Variants in GEMIN2 observed in about 807,000 individuals in gnomAD.
GEMIN2 encodes the protein gem-associated protein 2.
In GEMIN2, 37 loss-of-function variants were observed where a neutral mutation model predicts 45.8. The observed-to-expected ratio is 0.81, with a 90% CI of 0.62 to 1.06. The LOEUF is 1.06. Ranked by LOEUF, GEMIN2 falls within the 50% of genes least tolerant of loss-of-function variation. GEMIN2 has a pLI of 0.00. For missense variants in GEMIN2, 335 were observed against 321.8 expected (o/e 1.04, Z -0.31); for synonymous variants, 101 against 111.5 (o/e 0.91, Z 0.60).
chr14:39,118,144 A>G (rs10136536), intron 3 of GEMIN2, 56 bp downstream of exon 3: 216,006 of 862,508 alleles, frequency 0.25, 28,471 homozygotes, highest in Middle Eastern at 0.38. Context: ...CTGTTCTTAG[A>G]CTGTAGCTGG....
chr14:39,129,202 A>G (rs533466124), intron 7 of GEMIN2, among the ~76,000 whole-genome samples: 61 of 152,232 alleles, frequency 4.0e-4, no homozygotes, highest in Non-Finnish European at 6.6e-4. Flanking sequence ...CAGTATAGTA[A>G]TGTGCTATAT....
intron 5 of GEMIN2, 63 bp from the exon 6 acceptor site, chr14:39,124,929 T>C: frequency 1.2e-6 from 1 of 820,628 alleles, no homozygotes; most frequent in Non-Finnish European, 2.1e-6. Flanking sequence ...TTCACCAGTT[T>C]GAAAAAAAAA....
intron 5 of GEMIN2, among the ~76,000 whole-genome samples, chr14:39,123,708 A>ATATATATATATATATATATATATT (rs1555333787): frequency 2.7e-5 from 1 of 37,688 alleles, no homozygotes; most frequent in Non-Finnish European, 4.3e-5. Flanking sequence ...ATATATATAT[A>ATATATATATATATATATATATATT]TTTTTTTTTT....
chr14:39,126,497 G>A (rs1327671507), intron 6 of GEMIN2, among the ~76,000 whole-genome samples: 2 of 151,988 alleles, frequency 1.3e-5, no homozygotes, highest in African/African-American at 2.4e-5. Context: ...TTTTTTGTGG[G>A]TGATATTCTC....
At chr14:39,135,321 C>T (rs1292469593) in intron 9 of GEMIN2, among the ~76,000 whole-genome samples, 5 of 152,188 alleles carry the variant, frequency 3.3e-5, no homozygotes, top group Admixed American at 3.3e-4. Context: ...CATGGTGGCT[C>T]ATACCTGTAA....
At chr14:39,115,082 G>T (rs1457790634) in intron 2 of GEMIN2, among the ~76,000 whole-genome samples, 169 bp downstream of exon 2, 1 of 152,204 alleles carries the variant, frequency 6.6e-6, no homozygotes. Flanking sequence ...GGCATTTACT[G>T]CCTCTAAAGA....
intron 3 of GEMIN2, 122 bp downstream of exon 3, chr14:39,118,210 A>G (rs1301605515): frequency 4.0e-6 from 2 of 502,996 alleles, no homozygotes; most frequent in Non-Finnish European, 7.0e-6. Context: ...TAATTACCAA[A>G]TTATTTTTAT....
At chr14:39,128,162 A>G in intron 6 of GEMIN2, 118 bp from the exon 7 acceptor site, 1 of 660,400 alleles carries the variant, frequency 1.5e-6, no homozygotes, top group Non-Finnish European at 2.6e-6. Flanking sequence ...TGAAAGTTTA[A>G]AGAATGAGGC....
chr14:39,132,264 C>T (rs973352250), intron 8 of GEMIN2, among the ~76,000 whole-genome samples, 196 bp downstream of exon 8: 1 of 152,142 alleles, frequency 6.6e-6, no homozygotes, highest in African/African-American at 2.4e-5. Flanking sequence ...GGCGTGGTGG[C>T]TCACACCTAT....
At chr14:39,132,961 G>A (rs1350633832) in intron 8 of GEMIN2, among the ~76,000 whole-genome samples, 1 of 148,890 alleles carries the variant, frequency 6.7e-6, no homozygotes, top group Non-Finnish European at 1.5e-5. Flanking sequence ...TTACAGGCAT[G>A]AGCTACTGCA....
intron 5 of GEMIN2, 97 bp downstream of exon 5, chr14:39,122,640 G>A: frequency 1.7e-6 from 1 of 579,312 alleles, no homozygotes. Flanking sequence ...GCCAAGTCCA[G>A]TTCATGGCCT....
At chr14:39,125,935 G>C (rs533924282) in intron 6 of GEMIN2, among the ~76,000 whole-genome samples, 82 of 151,614 alleles carry the variant, frequency 5.4e-4, no homozygotes, top group Admixed American at 2.3e-3. Flanking sequence ...CAGGAGAATC[G>C]CTTGAACCTG....
At chr14:39,117,196 C>T (rs1420322026) in intron 2 of GEMIN2, among the ~76,000 whole-genome samples, 3 of 149,042 alleles carry the variant, frequency 2.0e-5, no homozygotes, top group Admixed American at 6.8e-5. Context: ...TGCTTGAACC[C>T]GGGAGACGGA....
At chr14:39,131,030 G>A (rs145129688) in intron 7 of GEMIN2, among the ~76,000 whole-genome samples, 423 of 152,160 alleles carry the variant, frequency 2.8e-3, no homozygotes, top group African/African-American at 7.1e-3. Flanking sequence ...GGGCATGGTG[G>A]CTCACGCCTG....
chr14:39,119,785 G>A (rs137969013), intron 4 of GEMIN2, among the ~76,000 whole-genome samples: 105 of 152,352 alleles, frequency 6.9e-4, no homozygotes, highest in African/African-American at 2.4e-3. Flanking sequence ...CAGGAAAAGC[G>A]TGAAGGGAAG....
intron 7 of GEMIN2, among the ~76,000 whole-genome samples, chr14:39,129,702 T>C (rs1029650243): frequency 4.9e-4 from 75 of 152,020 alleles, no homozygotes; most frequent in African/African-American, 1.5e-3. Flanking sequence ...CGTGAGCCAC[T>C]GCACCCAGCC....
At chr14:39,122,397 A>G in intron 4 of GEMIN2, 33 bp from the exon 5 acceptor site, 4 of 1,078,632 alleles carry the variant, frequency 3.7e-6, no homozygotes, top group Non-Finnish European at 5.6e-6. Context: ...ATTAATACAC[A>G]GGAATAAATC....
At chr14:39,115,531 A>C (rs1000220973) in intron 2 of GEMIN2, among the ~76,000 whole-genome samples, 1 of 137,578 alleles carries the variant, frequency 7.3e-6, no homozygotes, top group African/African-American at 2.8e-5. Flanking sequence ...ATCTCAGCTC[A>C]CTGCAACCTC....
In GEMIN2 at chr14:39,133,645, C is replaced by CTTTTT. The variant is rs77967037; in HGVS notation, c.712-7_712-3dup. 2 of 1,151,400 alleles carry CTTTTT rather than the reference C, an allele frequency of 1.7e-6. No individual in the cohort carries two copies. Among genetic ancestry groups the CTTTTT allele is most frequent in the South Asian group, 1.5e-5 (1 of 65,734 alleles). The allele number at this position is 1,151,400 out of a possible 1,614,324, so 71.3% of individuals were successfully genotyped here. ...AGGAACAGACAATATTTAAATTTTT[C>CTTTTT]TTTTTTTTTTTTTAGGATAGCAAAG... On this transcript the variant is annotated splice_polypyrimidine_tract_variant and intron_variant, in intron 8 of 9. Coordinates refer to ENST00000308317, the MANE Select transcript of GEMIN2 (RefSeq NM_003616.3).
Sources: allele counts gnomAD v4.1 joint callset (sites outside exome capture counted in the v4.1 genomes callset), GRCh38; gene constraint gnomAD v4.1.1; transcripts MANE v1.5; gene names NCBI Gene and HGNC (gene_info 2026-07-23, HGNC 2026-07-21).